CNTLN: variants seen among roughly 807,000 people sequenced by gnomAD.
CNTLN encodes the protein centlein, centrosomal protein.
In CNTLN, 212 loss-of-function variants were observed where a neutral mutation model predicts 180.0. The observed-to-expected ratio is 1.18, with a 90% CI of 1.05 to 1.32. CNTLN has a LOEUF of 1.32. CNTLN is among the 40% of genes most tolerant of loss of function. CNTLN has a pLI of 0.00. For synonymous variants in CNTLN, 722 were observed against 563.1 expected, an observed-to-expected ratio of 1.28 and a Z score of -3.99; for missense variants, 2,095 against 1,610.9, an observed-to-expected ratio of 1.30 and a Z score of -5.14.
intron 2 of CNTLN, among the ~76,000 whole-genome samples, chr9:17,200,800 C>G (rs1822469194): frequency 6.6e-6 from 1 of 152,088 alleles, no homozygotes; most frequent in Non-Finnish European, 1.5e-5. Context: ...GACTTCCTCT[C>G]TTCCTATGTG....
At position 17,460,082 on chromosome 9, in the gene CNTLN, A is replaced by G. The variant is rs190211762; in HGVS notation, c.3306+2367A>G. Among the ~76,000 whole-genome samples the G allele has an allele frequency of 5.3e-5, 8 of 151,828 alleles. No individual in the cohort carries two copies. In the East Asian group the frequency reaches 1.5e-3, roughly 29 times the overall value. ...CTAAAAGTTTATATACATCTTTTCT[A>G]TACTATCCAGTTAATATTAGACTTT... On this transcript the variant is annotated intron_variant, in intron 19 of 25. Transcript: ENST00000380647.
Position 17,234,106 on chromosome 9 carries a change from A to G in CNTLN, c.535-1552A>G, listed in dbSNP as rs536773961. Reference sequence around the variant, plus strand: ...ATTTTTGTATGTATTCAGCGTCTAAATTATTTTTTAACTATAAGTAAAATA... The same window carrying G: ...ATTTTTGTATGTATTCAGCGTCTAAGTTATTTTTTAACTATAAGTAAAATA... On this transcript the variant is annotated intron_variant, in intron 3 of 25. Transcript: ENST00000380647. 7.9e-5 allele frequency among the ~76,000 whole-genome samples: 12 copies of G among 152,220 alleles called. No homozygotes were observed. In the South Asian group the frequency reaches 2.5e-3, roughly 32 times the overall value.
chr9:17,400,928 C>A (rs965237210), intron 15 of CNTLN, among the ~76,000 whole-genome samples: 4 of 152,018 alleles, frequency 2.6e-5, no homozygotes, highest in Non-Finnish European at 5.9e-5. Context: ...TTTATAGATT[C>A]CACACACACA....
At chr9:17,300,247 C>T (rs1225554625) in intron 7 of CNTLN, 1 of 152,106 alleles carries the variant, frequency 6.6e-6, no homozygotes, top group African/African-American at 2.4e-5. Context: ...CATACTGGTG[C>T]TCAAAAATGT....
chr9:17,513,009 G>C, the CNTLN span, among the ~76,000 whole-genome samples: 154 of 150,976 alleles, frequency 1.0e-3, no homozygotes, highest in Admixed American at 2.8e-3. Flanking sequence ...TAGTAGAGAT[G>C]GGGGTTTCAC....
chr9:17,305,407 T>C (rs547641927), intron 7 of CNTLN, among the ~76,000 whole-genome samples: 2 of 152,168 alleles, frequency 1.3e-5, no homozygotes, highest in Non-Finnish European at 2.9e-5. Flanking sequence ...AGAGCCTCTC[T>C]GAAAACTGTT....
chr9:17,357,243 A>T (rs1822921512), intron 12 of CNTLN, among the ~76,000 whole-genome samples: 1 of 147,128 alleles, frequency 6.8e-6, no homozygotes, highest in South Asian at 2.1e-4. Context: ...CATTTTGTTT[A>T]TTCAGCCATT....
rs555314201 is a variant in CNTLN at position 17,171,919 on chromosome 9, G to C, written c.449+28543G>C. ...GCACATTAGAGTAGCCATGGAGCCA[G>C]GGTCCATAGTGCAGTTGTGTGCAGA... On this transcript the variant is annotated intron_variant, in intron 2 of 25. Transcript: ENST00000380647. 5.9e-5 allele frequency among the ~76,000 whole-genome samples: 9 copies of C among 152,274 alleles called. No homozygotes were observed. In the South Asian group the frequency reaches 1.7e-3, roughly 28 times the overall value.
chr9:17,154,643 C>G (rs1385521268), intron 2 of CNTLN, among the ~76,000 whole-genome samples: 1 of 152,172 alleles, frequency 6.6e-6, no homozygotes, highest in East Asian at 1.9e-4. Flanking sequence ...ACTTGGAGAA[C>G]TTCTCTGTCT....
intron 2 of CNTLN, among the ~76,000 whole-genome samples, chr9:17,194,438 G>C (rs1198979883): frequency 1.3e-5 from 2 of 152,164 alleles, no homozygotes; most frequent in East Asian, 1.9e-4. Flanking sequence ...CAAGTTCAAA[G>C]TTCTACAAAT....
intron 13 of CNTLN, among the ~76,000 whole-genome samples, chr9:17,370,559 A>G (rs974835126): frequency 6.6e-6 from 1 of 152,214 alleles, no homozygotes; most frequent in African/African-American, 2.4e-5. Context: ...AGAAGTCATA[A>G]ATGGAATACT....
the CNTLN span, among the ~76,000 whole-genome samples, chr9:17,524,211 T>A: frequency 6.6e-6 from 1 of 152,220 alleles, no homozygotes; most frequent in Non-Finnish European, 1.5e-5. Flanking sequence ...TTTGTTTTGT[T>A]ATTTAGTTAT....
At chr9:17,527,525 T>A in the CNTLN span, among the ~76,000 whole-genome samples, 3 of 152,132 alleles carry the variant, frequency 2.0e-5, no homozygotes, top group African/African-American at 7.2e-5. Context: ...ATTCAGTACA[T>A]TGATGGCAAA....
intron 5 of CNTLN, among the ~76,000 whole-genome samples, chr9:17,241,867 G>A (rs7044783): frequency 0.2 from 31,068 of 151,912 alleles, 4,025 homozygotes; most frequent in African/African-American, 0.36. Context: ...GTTGGCCTAT[G>A]GCAATGCTAC....
chr9:17,236,984 A>G (rs1273540677), intron 5 of CNTLN, among the ~76,000 whole-genome samples: 1 of 152,148 alleles, frequency 6.6e-6, no homozygotes, highest in East Asian at 1.9e-4. Context: ...AAAAAATACT[A>G]AACAGTTAAA....
At chr9:17,468,347 T>C (rs977904528) in intron 23 of CNTLN, among the ~76,000 whole-genome samples, 3 of 151,546 alleles carry the variant, frequency 2.0e-5, no homozygotes, top group African/African-American at 7.3e-5. Context: ...CAACACAAAA[T>C]TTATCTACAG....
rs777939995 is a variant in CNTLN, at chr9:17,394,661, C to G, written c.2207C>G (p.Thr736Arg). 6.2e-7 allele frequency: 1 copy of G among 1,612,370 alleles called. No individual in the cohort carries two copies. The highest frequency in any genetic ancestry group is 1.7e-5 in the Admixed American group (1 of 59,844). The change falls in exon 15 of 26, where the codon ACA (threonine) becomes AGA (arginine). Residue 736 changes from threonine to arginine, a missense_variant. Thr to Arg is a moderately conservative substitution (Grantham distance 71). Coordinates refer to ENST00000380647, the MANE Select transcript of CNTLN (RefSeq NM_017738.4). ...KSLLKQQQED[T>R]ETREKELEQI... Reference sequence around the variant, plus strand: ...CTCTTAAAACAGCAACAAGAAGATACAGAGACCAGAGAAAAAGAGCTAGAA... The same window carrying G: ...CTCTTAAAACAGCAACAAGAAGATAGAGAGACCAGAGAAAAAGAGCTAGAA...
At chr9:17,398,083 G>C (rs1447338788) in intron 15 of CNTLN, among the ~76,000 whole-genome samples, 1 of 151,996 alleles carries the variant, frequency 6.6e-6, no homozygotes, top group African/African-American at 2.4e-5. Context: ...CACCTTCTCA[G>C]TATTTATTTC....
At chr9:17,272,873 A>C (rs1828046176) in intron 5 of CNTLN, among the ~76,000 whole-genome samples, 2 of 151,764 alleles carry the variant, frequency 1.3e-5, no homozygotes, top group Admixed American at 1.3e-4. Context: ...AGTTTTTAAA[A>C]AGGCTTGCTT....
Sources: gnomAD v4.1 joint callset for allele counts (sites outside exome capture counted in the v4.1 genomes callset) on GRCh38, gnomAD v4.1.1 for gene constraint, MANE v1.5 for transcripts, NCBI Gene and HGNC (gene_info 2026-07-23, HGNC 2026-07-21) for gene names.